Variants in PRKDC observed in about 807,000 individuals in gnomAD.
PRKDC encodes protein kinase, DNA-activated, catalytic subunit, also known as DNA-dependent protein kinase catalytic subunit.
A neutral mutation model predicts 486.9 loss-of-function variants in PRKDC; 82 were observed. The ratio of observed to expected loss-of-function variants is 0.17; its 90% CI spans 0.14 to 0.20. The LOEUF is 0.20. Ranked by LOEUF, PRKDC falls within the 10% of genes least tolerant of loss-of-function variation. The probability of loss-of-function intolerance (pLI) is 1.00; values close to 1 mark genes in which losing one functional copy is unlikely to be tolerated. For synonymous variants in PRKDC, 1,895 were observed against 1,837.0 expected (o/e 1.03, Z -0.81); for missense variants, 4,504 against 5,038.2 (o/e 0.89, Z 3.21).
At chr8:47,957,062 T>C in intron 3 of PRKDC, 109 bp downstream of exon 3, 3 of 654,726 alleles carry the variant, frequency 4.6e-6, no homozygotes, top group Non-Finnish European at 4.8e-6. Context: ...AATTCCCCAA[T>C]GAGAAAGGAA....
intron 54 of PRKDC, among the ~76,000 whole-genome samples, chr8:47,847,595 T>C (rs1243180217): frequency 2.0e-5 from 3 of 152,156 alleles, no homozygotes; most frequent in African/African-American, 7.2e-5. Context: ...AAAGAATTTA[T>C]GACTAAGTTC....
rs45625437 is a variant in PRKDC, at chr8:47,888,993, G to A, written c.4280+21C>T. On this transcript the variant is annotated intron_variant, in intron 33 of 85. Transcript: ENST00000314191. ...TGAAATTCCAGGACAACATGTCCCCGATTGTGACCCAAGTACCCACCTCTG... is the reference window on the plus strand; with the variant it reads ...TGAAATTCCAGGACAACATGTCCCCAATTGTGACCCAAGTACCCACCTCTG... The A allele has an allele frequency of 0.015, 23,555 of 1,604,678 alleles. 187 individuals carry two copies. Among genetic ancestry groups the A allele is most frequent in the African/African-American group, 0.019 (1,394 of 74,788 alleles).
intron 38 of PRKDC, among the ~76,000 whole-genome samples, chr8:47,880,594 A>G (rs1392046939): frequency 1.3e-5 from 2 of 152,210 alleles, no homozygotes; most frequent in East Asian, 3.8e-4. Flanking sequence ...TTAAAATGAC[A>G]GTATTTATTA....
intron 68 of PRKDC, among the ~76,000 whole-genome samples, chr8:47,815,488 A>G (rs984305850): frequency 9.9e-5 from 15 of 152,232 alleles, no homozygotes; most frequent in African/African-American, 3.4e-4. Context: ...AAAACAGTAG[A>G]AGACAGGTAA....
intron 68 of PRKDC, among the ~76,000 whole-genome samples, chr8:47,814,199 A>G (rs1393935418): frequency 6.6e-6 from 1 of 152,246 alleles, no homozygotes; most frequent in Non-Finnish European, 1.5e-5. Context: ...CAAAACTCTC[A>G]GAAAACCTGG....
rs1010835557 is a variant in PRKDC at position 47,954,455 on chromosome 8, A to G, written c.400-9T>C. 4 of 1,165,834 alleles carry G rather than the reference A, an allele frequency of 3.4e-6. No individual in the cohort carries two copies. The highest frequency in any genetic ancestry group is 4.8e-6 in the Non-Finnish European group (4 of 841,482). The allele number at this position is 1,165,834 out of a possible 1,614,324, so 72.2% of individuals were successfully genotyped here. A position where few individuals can be genotyped will look rare whatever the true frequency, so the allele number is the denominator to read the frequency against. On this transcript the variant is annotated splice_polypyrimidine_tract_variant and intron_variant, in intron 4 of 85. Transcript: ENST00000314191. ...CTAAAAGTCTGAAGTAACTAAAAGA[A>G]TACAAATTAGTACATCAATGTAGTG...
At chr8:47,895,119 A>G (rs1318824062) in intron 30 of PRKDC, among the ~76,000 whole-genome samples, 3 of 152,042 alleles carry the variant, frequency 2.0e-5, no homozygotes, top group Non-Finnish European at 1.5e-5. Context: ...CCCAGCTACT[A>G]AGGAGGTTGA....
At chr8:47,952,129 A>G (rs1204493744) in intron 7 of PRKDC, among the ~76,000 whole-genome samples, 1 of 152,242 alleles carries the variant, frequency 6.6e-6, no homozygotes, top group Non-Finnish European at 1.5e-5. Flanking sequence ...TATCCAAAAG[A>G]ATCAACAGCA....
chr8:47,933,575 T>C (rs1249263735), intron 15 of PRKDC, among the ~76,000 whole-genome samples: 1 of 152,256 alleles, frequency 6.6e-6, no homozygotes, highest in Non-Finnish European at 1.5e-5. Context: ...CATATACTTA[T>C]GTGCATACAT....
rs775713271 is a variant in PRKDC, at chr8:47,837,284, G to C, written c.7689C>G (p.Leu2563=). 6 of 1,613,802 alleles carry C rather than the reference G, an allele frequency of 3.7e-6. No individual in the cohort carries two copies. The East Asian group carries it at 8.9e-5, about 24-fold the overall frequency. ...HFLSLATNFL[L]EMTSMSPDYP... is the part of the protein sequence containing the mutation. ...AATCTGGGCTCATGCTGGTCATTTC[G>C]AGCAGAAAATTTGTTGCTAAACTTA... Residue 2563 remains leucine, a synonymous_variant, in exon 57 of 86, where the codon CTC becomes CTG. Coordinates refer to ENST00000314191, the MANE Select transcript of PRKDC (RefSeq NM_006904.7).
At chr8:47,798,061 G>A (rs992488913) in intron 73 of PRKDC, among the ~76,000 whole-genome samples, 176 bp downstream of exon 73, 10 of 152,328 alleles carry the variant, frequency 6.6e-5, no homozygotes, top group African/African-American at 2.2e-4. Context: ...GGGTAAATGC[G>A]AAAACTCGTT....
chr8:47,944,156 C>T, intron 7 of PRKDC, 127 bp from the exon 8 acceptor site: 1 of 812,068 alleles, frequency 1.2e-6, no homozygotes, highest in Non-Finnish European at 2.0e-6. Flanking sequence ...CATCTTTCAT[C>T]ATTCCATCCA....
chr8:47,939,613 T>G lies in PRKDC; in HGVS notation c.1051A>C (p.Asn351His). The G allele has an allele frequency of 6.2e-7, 1 of 1,613,490 alleles. No homozygotes were observed. The highest frequency in any genetic ancestry group is 8.5e-7 in the Non-Finnish European group (1 of 1,179,464). The part of the protein sequence containing the change: ...FMEQFYGIIR[N>H]VDSNNKELSI... ...AACTCCTTGTTGTTCGAATCCACATTTCTGATGATTCCATAAAACTGCTCC... is the reference window on the plus strand; with the variant it reads ...AACTCCTTGTTGTTCGAATCCACATGTCTGATGATTCCATAAAACTGCTCC... Residue 351 changes from asparagine (N) to histidine (H), a missense_variant, in exon 11 of 86, where the codon AAT becomes CAT. Around this residue, in one of 6 missense-constraint regions of PRKDC, gnomAD observed 1,969 missense variants for 2,068.9 expected, o/e 0.95. Coordinates refer to ENST00000314191, the MANE Select transcript of PRKDC (RefSeq NM_006904.7).
At chr8:47,829,955 A>G (rs2087825603) in intron 61 of PRKDC, among the ~76,000 whole-genome samples, 1 of 152,190 alleles carries the variant, frequency 6.6e-6, no homozygotes, top group African/African-American at 2.4e-5. Flanking sequence ...ACCAAAAAAG[A>G]GCCCGTATAG....
At chr8:47,932,334 C>T (rs1455481054) in intron 16 of PRKDC, among the ~76,000 whole-genome samples, 2 of 152,260 alleles carry the variant, frequency 1.3e-5, no homozygotes, top group East Asian at 1.9e-4. Flanking sequence ...CCGCCTGCCT[C>T]GGCCTCCCAA....
At chr8:47,956,005 C>G (rs2090694446) in intron 3 of PRKDC, 57 bp from the exon 4 acceptor site, 3 of 1,243,590 alleles carry the variant, frequency 2.4e-6, no homozygotes, top group Non-Finnish European at 2.3e-6. Context: ...AACTAAGACT[C>G]AGCAATACCT....
At chr8:47,854,348 G>A (rs1254074119) in intron 50 of PRKDC, 134 bp from the exon 51 acceptor site, 1 of 1,017,160 alleles carries the variant, frequency 9.8e-7, no homozygotes, top group Non-Finnish European at 1.4e-6. Context: ...TGGCGTGACT[G>A]AGACGGAGTC....
intron 68 of PRKDC, among the ~76,000 whole-genome samples, chr8:47,808,014 A>T (rs1482157806): frequency 6.6e-6 from 1 of 152,120 alleles, no homozygotes; most frequent in Admixed American, 6.5e-5. Context: ...GTGAGCTATC[A>T]TGTCTGGCCT....
Position 47,855,314 on chromosome 8 carries a change from G to C in PRKDC, c.6669C>G (p.Val2223=), listed in dbSNP as rs565751567. The C allele has an allele frequency of 5.0e-6, 8 of 1,600,556 alleles. No individual in the cohort carries two copies. In the East Asian group the frequency reaches 1.6e-4, roughly 31 times the overall value. ...NRLLNFLMKH[V]FHPKRAVFRH... is the part of the protein sequence containing the mutation. ...TAAACACAGCTCTTTTTGGATGAAA[G>C]ACATGTTTCATTAGGAAATTAAGCA... is the stretch of plus-strand genomic sequence containing the variant. The change falls in exon 50 of 86, where the codon GTC becomes GTG. Residue 2223 remains valine (V), a synonymous_variant. Coordinates refer to ENST00000314191, the MANE Select transcript of PRKDC (RefSeq NM_006904.7).
Sources: allele counts gnomAD v4.1 joint callset (sites outside exome capture counted in the v4.1 genomes callset), GRCh38; gene constraint gnomAD v4.1.1; regional missense constraint gnomAD v4.1.1; transcripts MANE v1.5; gene names NCBI Gene and HGNC (gene_info 2026-07-23, HGNC 2026-07-21).